Variants in ROBO2 observed in about 807,000 individuals in gnomAD.
ROBO2 encodes the protein roundabout homolog 2.
Under a neutral mutation model 160.8 loss-of-function variants are expected in ROBO2, and 53 were observed. The observed-to-expected ratio is 0.33, with a 90% CI of 0.26 to 0.41. The LOEUF (loss-of-function observed/expected upper bound fraction) is 0.41. Ranked by LOEUF, ROBO2 falls within the 10% of genes least tolerant of loss-of-function variation. ROBO2 has a pLI of 1.00. For missense variants in ROBO2, 1,577 were observed against 1,722.4 expected, an observed-to-expected ratio of 0.92 and a Z score of 1.49; for synonymous variants, 664 against 611.7, an observed-to-expected ratio of 1.09 and a Z score of -1.26.
chr3:77,279,975 A>G (rs2060138151), intron 2 of ROBO2, among the ~76,000 whole-genome samples: 1 of 152,164 alleles, frequency 6.6e-6, no homozygotes, highest in South Asian at 2.1e-4. Context: ...GCTTCATTGT[A>G]AAGTATATTT....
At chr3:76,893,003 A>G (rs1048248593) in intron 2 of ROBO2, among the ~76,000 whole-genome samples, 10 of 152,140 alleles carry the variant, frequency 6.6e-5, no homozygotes, top group African/African-American at 2.2e-4. Flanking sequence ...CTCCTACCTC[A>G]AAAGATAAAT....
intron 2 of ROBO2, among the ~76,000 whole-genome samples, chr3:76,450,005 GAA>G: frequency 6.6e-6 from 1 of 152,262 alleles, no homozygotes; most frequent in Admixed American, 6.6e-5. Context: ...CTGATAATTG[GAA>G]AAGTCATTTA....
At chr3:76,907,823 G>GGGGTGTGTGTGTGTGTGTGT (rs112697690) in intron 2 of ROBO2, among the ~76,000 whole-genome samples, 5 of 145,526 alleles carry the variant, frequency 3.4e-5, no homozygotes, top group East Asian at 4.1e-4. Context: ...GTTTGTTTGG[G>GGGGTGTGTGTGTGTGTGTGT]GTGTGTGTGT....
rs974823034 is a variant in ROBO2 at position 76,843,265 on chromosome 3, A to T, written c.110-254749A>T. On this transcript the variant is annotated intron_variant, in intron 2 of 26. Coordinates refer to the ROBO2 transcript ENST00000487694. ...TAAATGTAATATCATAAATCATATG[A>T]AAATAAATAATTAAATATATGTATC... 1.2e-4 allele frequency among the ~76,000 whole-genome samples: 18 copies of T among 151,068 alleles called. 1 individual carries two copies.
intron 2 of ROBO2, among the ~76,000 whole-genome samples, chr3:76,305,387 CAAAAAAAAAAAAAAAAAAAAAAAA>C (rs1166858558): frequency 2.4e-4 from 5 of 20,662 alleles, no homozygotes; most frequent in Admixed American, 2.1e-3. Context: ...CAAGATCTGT[CAAAAAAAAAAAAAAAAAAAAAAAA>C]AAAAAAAAAA....
intron 2 of ROBO2, among the ~76,000 whole-genome samples, chr3:76,336,624 A>C (rs2073906900): frequency 6.6e-6 from 1 of 152,204 alleles, no homozygotes; most frequent in African/African-American, 2.4e-5. Context: ...ATACTTCATT[A>C]ATTACTTGAT....
chr3:77,382,717 G>A (rs1265010745), intron 2 of ROBO2, among the ~76,000 whole-genome samples: 1 of 152,120 alleles, frequency 6.6e-6, no homozygotes, highest in Non-Finnish European at 1.5e-5. Flanking sequence ...AATGGCTTCC[G>A]CCTCCATCCA....
At chr3:76,000,626 C>G (rs2065859667) in intron 2 of ROBO2, among the ~76,000 whole-genome samples, 1 of 151,596 alleles carries the variant, frequency 6.6e-6, no homozygotes. Flanking sequence ...GTAGCTGGGA[C>G]TACAGGTGCC....
At chr3:76,507,071 A>G (rs2080837530) in intron 2 of ROBO2, among the ~76,000 whole-genome samples, 3 of 152,142 alleles carry the variant, frequency 2.0e-5, no homozygotes, top group Admixed American at 2.0e-4. Flanking sequence ...GCTGTGAACT[A>G]AATCTTGAGT....
intron 2 of ROBO2, among the ~76,000 whole-genome samples, chr3:77,463,879 G>A (rs961163722): frequency 6.6e-6 from 1 of 152,104 alleles, no homozygotes; most frequent in African/African-American, 2.4e-5. Flanking sequence ...CACCATGCCT[G>A]TCCTCTTGAA....
At chr3:77,397,241 A>G (rs1356516021) in intron 2 of ROBO2, among the ~76,000 whole-genome samples, 3 of 152,140 alleles carry the variant, frequency 2.0e-5, no homozygotes, top group Non-Finnish European at 4.4e-5. Flanking sequence ...TGGCTTGTTC[A>G]TTTGTTGCAC....
At position 77,438,449 on chromosome 3, in the gene ROBO2, A is replaced by G. The variant is rs555389294; in HGVS notation, c.389-38965A>G. 3.3e-5 allele frequency among the ~76,000 whole-genome samples: 5 copies of G among 151,808 alleles called. No individual in the cohort carries two copies. In the East Asian group the frequency reaches 7.7e-4, roughly 23 times the overall value. ...GAAAGAGAGTGAGCATACCCAACCT[A>G]CGAGAGAGAGCAGGTTTGCCAGAAC... On this transcript the variant is annotated intron_variant, in intron 2 of 25. Coordinates refer to ENST00000461745, the Ensembl canonical transcript of ROBO2.
chr3:76,444,324 A>T (rs1371721073), intron 2 of ROBO2, among the ~76,000 whole-genome samples: 1 of 152,140 alleles, frequency 6.6e-6, no homozygotes. Context: ...AAACTGTTAA[A>T]TAACTTAAAA....
intron 2 of ROBO2, among the ~76,000 whole-genome samples, chr3:76,975,761 T>C (rs2059787460): frequency 6.6e-6 from 1 of 152,162 alleles, no homozygotes; most frequent in South Asian, 2.1e-4. Flanking sequence ...AAAACACAAA[T>C]CTTTTTTGAC....
At chr3:75,921,333 AAAC>A (rs1576145184) in intron 1 of ROBO2, among the ~76,000 whole-genome samples, 1 of 147,384 alleles carries the variant, frequency 6.8e-6, no homozygotes, top group East Asian at 2.2e-4. Flanking sequence ...TACATCATGA[AAAC>A]AAGTGCATGT....
chr3:77,103,060 G>A (rs2072230836), intron 2 of ROBO2, among the ~76,000 whole-genome samples: 1 of 152,086 alleles, frequency 6.6e-6, no homozygotes, highest in South Asian at 2.1e-4. Context: ...TAAAGTTTCC[G>A]TTCTGAACAC....
chr3:76,891,882 A>G (rs749192320), intron 2 of ROBO2, among the ~76,000 whole-genome samples: 1 of 152,134 alleles, frequency 6.6e-6, no homozygotes, highest in Non-Finnish European at 1.5e-5. Context: ...ACTACCTTGG[A>G]GAATTTTGGT....
At chr3:77,568,494 G>GA in intron 13 of ROBO2, 60 bp downstream of exon 14, 1 of 1,592,544 alleles carries the variant, frequency 6.3e-7, no homozygotes, top group South Asian at 1.1e-5. Flanking sequence ...GCAAAACATG[G>GA]AAAATGCAAA....
chr3:76,419,546 T>C (rs574904168), intron 2 of ROBO2, among the ~76,000 whole-genome samples: 2 of 152,264 alleles, frequency 1.3e-5, no homozygotes, highest in East Asian at 1.9e-4. Flanking sequence ...ATCTTCTAAA[T>C]GAACTACCTG....
Sources: allele counts gnomAD v4.1 joint callset (sites outside exome capture counted in the v4.1 genomes callset), GRCh38; gene constraint gnomAD v4.1.1; transcripts MANE v1.5; gene names NCBI Gene and HGNC (gene_info 2026-07-23, HGNC 2026-07-21).